The following SAV1 variants were observed in gnomAD, a reference collection of about 807,000 sequenced individuals.
SAV1 encodes protein salvador homolog 1.
In SAV1, 23 loss-of-function variants were observed where a neutral mutation model predicts 47.3. The observed-to-expected ratio is 0.49, with a 90% CI of 0.35 to 0.69. The LOEUF (loss-of-function observed/expected upper bound fraction) is 0.69, where lower values mean the gene tolerates loss of function less well. Ranked by LOEUF, SAV1 falls within the 30% of genes least tolerant of loss-of-function variation. The pLI is 0.01. For missense variants in SAV1, 448 were observed against 457.4 expected (o/e 0.98, Z 0.19); for synonymous variants, 155 against 159.2 (o/e 0.97, Z 0.20).
In SAV1 at chr14:50,640,771, A is replaced by C; in HGVS notation, c.929T>G (p.Val310Gly). 3 of 1,613,270 alleles carry C rather than the reference A, an allele frequency of 1.9e-6. No homozygotes were observed. The highest frequency in any genetic ancestry group is 2.5e-6 in the Non-Finnish European group (3 of 1,179,658). The change falls in exon 4 of 5, where the codon GTT becomes GGT. Residue 310 changes from valine to glycine, a missense_variant. Coordinates refer to ENST00000324679, the MANE Select transcript of SAV1 (RefSeq NM_021818.4). Reference sequence around the variant, plus strand: ...TTACTTCACAGGGGCTCGTGCGTAAACCTGAAGCCAGTCAGGAATTTCTGC... The same window carrying C: ...TTACTTCACAGGGGCTCGTGCGTAACCCTGAAGCCAGTCAGGAATTTCTGC... ...HTAEIPDWLQVYARAPVKYDH... is the reference protein window; with the variant it reads ...HTAEIPDWLQGYARAPVKYDH...
At chr14:50,660,971 C>A (rs573295516) in intron 2 of SAV1, among the ~76,000 whole-genome samples, 1 of 152,186 alleles carries the variant, frequency 6.6e-6, no homozygotes, top group African/African-American at 2.4e-5. Flanking sequence ...TAGATAGATA[C>A]CCAGCAGTGG....
intron 2 of SAV1, among the ~76,000 whole-genome samples, chr14:50,650,441 A>G (rs2039758339): frequency 6.6e-6 from 1 of 152,262 alleles, no homozygotes; most frequent in African/African-American, 2.4e-5. Flanking sequence ...ACATATATGT[A>G]GTAGCCAGCC....
intron 4 of SAV1, among the ~76,000 whole-genome samples, chr14:50,637,375 A>G (rs2140246830): frequency 6.6e-6 from 1 of 152,302 alleles, no homozygotes; most frequent in African/African-American, 2.4e-5. Context: ...TTAAGATTTT[A>G]TGTGCTCCTT....
At chr14:50,640,140 C>T (rs1057291078) in intron 4 of SAV1, among the ~76,000 whole-genome samples, 4 of 152,140 alleles carry the variant, frequency 2.6e-5, no homozygotes, top group Non-Finnish European at 5.9e-5. Context: ...TACACCACAG[C>T]ATGCTGCTAA....
At chr14:50,639,885 A>G (rs2039667509) in intron 4 of SAV1, among the ~76,000 whole-genome samples, 1 of 152,246 alleles carries the variant, frequency 6.6e-6, no homozygotes, top group South Asian at 2.1e-4. Flanking sequence ...ATTTAGAATC[A>G]GCATACAAAC....
intron 2 of SAV1, among the ~76,000 whole-genome samples, chr14:50,655,064 G>A (rs182648383): frequency 3.3e-5 from 5 of 152,234 alleles, no homozygotes; most frequent in African/African-American, 1.2e-4. Flanking sequence ...CTGACCTTAG[G>A]CTTCTATTAA....
At chr14:50,636,797 C>T (rs1297809821) in intron 4 of SAV1, among the ~76,000 whole-genome samples, 1 of 152,104 alleles carries the variant, frequency 6.6e-6, no homozygotes, top group Non-Finnish European at 1.5e-5. Flanking sequence ...TGTTAATATC[C>T]ACTAAGACTA....
At chr14:50,666,753 C>T (rs1269921188) in intron 1 of SAV1, among the ~76,000 whole-genome samples, 2 of 150,426 alleles carry the variant, frequency 1.3e-5, no homozygotes, top group African/African-American at 2.5e-5. Context: ...AGAAACCTAA[C>T]TGCATGTGTG....
At chr14:50,648,772 C>T (rs930494414) in intron 2 of SAV1, among the ~76,000 whole-genome samples, 5 of 150,712 alleles carry the variant, frequency 3.3e-5, no homozygotes, top group African/African-American at 7.4e-5. Context: ...AGCAAGACTC[C>T]GTCTCAAAAA....
intron 2 of SAV1, among the ~76,000 whole-genome samples, chr14:50,661,974 T>C (rs576266595): frequency 2.0e-5 from 3 of 152,258 alleles, no homozygotes; most frequent in Admixed American, 1.3e-4. Flanking sequence ...TCTGTGGAAA[T>C]TTTAGGATTG....
intron 3 of SAV1, among the ~76,000 whole-genome samples, chr14:50,643,584 G>C (rs1342382347): frequency 6.6e-6 from 1 of 152,184 alleles, no homozygotes; most frequent in African/African-American, 2.4e-5. Context: ...TGAGGACACA[G>C]AGCCAAACCA....
intron 2 of SAV1, among the ~76,000 whole-genome samples, chr14:50,660,183 A>G (rs2140263055): frequency 6.6e-6 from 1 of 152,176 alleles, no homozygotes; most frequent in South Asian, 2.1e-4. Context: ...TGGTCTTGTG[A>G]CTCCCCAATT....
chr14:50,662,069 T>A (rs950867293), intron 2 of SAV1, among the ~76,000 whole-genome samples: 3 of 152,244 alleles, frequency 2.0e-5, no homozygotes, highest in African/African-American at 7.2e-5. Flanking sequence ...GTCATTTTAA[T>A]GATGTTAATT....
intron 2 of SAV1, among the ~76,000 whole-genome samples, chr14:50,660,943 T>C (rs1026477916): frequency 2.6e-5 from 4 of 152,232 alleles, no homozygotes; most frequent in Non-Finnish European, 4.4e-5. Context: ...TTCTTTGATA[T>C]ACTGATTTCT....
intron 2 of SAV1, among the ~76,000 whole-genome samples, chr14:50,662,222 G>C (rs1277974428): frequency 1.3e-5 from 2 of 152,138 alleles, no homozygotes; most frequent in African/African-American, 4.8e-5. Flanking sequence ...AGGCTGGAGT[G>C]CAGTGGCGCA....
At chr14:50,653,937 A>T (rs1024570615) in intron 2 of SAV1, among the ~76,000 whole-genome samples, 9 of 152,156 alleles carry the variant, frequency 5.9e-5, no homozygotes, top group African/African-American at 1.9e-4. Flanking sequence ...TTATATCTTT[A>T]AAAAAAGTAC....
chr14:50,644,630 A>G lies in SAV1; in HGVS notation c.806+114T>C. The G allele has an allele frequency of 3.1e-6, 3 of 977,202 alleles. No homozygotes were observed. In the South Asian group the frequency reaches 7.3e-5, roughly 24 times the overall value. The allele number at this position is 977,202 out of a possible 1,614,324, so 60.5% of individuals were successfully genotyped here. A position where few individuals can be genotyped will look rare whatever the true frequency, so the allele number is the denominator to read the frequency against. ...AGAAAAATGTAAATTTTGAAATATAAGGCTTTCAAATCTCAAGCTTTAGGA... is the reference window on the plus strand; with the variant it reads ...AGAAAAATGTAAATTTTGAAATATAGGGCTTTCAAATCTCAAGCTTTAGGA... On this transcript the variant is annotated intron_variant, in intron 3 of 4. Transcript: ENST00000324679.
At chr14:50,660,355 C>T (rs1007424087) in intron 2 of SAV1, among the ~76,000 whole-genome samples, 2 of 152,198 alleles carry the variant, frequency 1.3e-5, no homozygotes, top group African/African-American at 4.8e-5. Context: ...AAACATTTCC[C>T]ATCCTCCTTA....
At chr14:50,642,159 C>T (rs3015500) in intron 3 of SAV1, among the ~76,000 whole-genome samples, 72,522 of 151,886 alleles carry the variant, frequency 0.48, 18,300 homozygotes, top group East Asian at 0.72. Context: ...ACTGAGTACA[C>T]ATGGACACAA....
Sources: allele counts gnomAD v4.1 joint callset (sites outside exome capture counted in the v4.1 genomes callset), GRCh38; gene constraint gnomAD v4.1.1; transcripts MANE v1.5; gene names NCBI Gene and HGNC (gene_info 2026-07-23, HGNC 2026-07-21).